The following ADA2 variants were observed in gnomAD, a reference collection of about 807,000 sequenced individuals.
The protein encoded by ADA2 is adenosine deaminase 2.
ADA2 carries 29 observed loss-of-function variants against 44.2 expected under a neutral mutation model. That is an observed-to-expected ratio of 0.66 (90% CI 0.49 to 0.89). The LOEUF (loss-of-function observed/expected upper bound fraction) is 0.89, where lower values mean the gene tolerates loss of function less well. Ranked by LOEUF, ADA2 falls within the 40% of genes least tolerant of loss-of-function variation. The pLI is 0.00. For synonymous variants in ADA2, 215 were observed against 234.9 expected (o/e 0.92, Z 0.77); for missense variants, 637 against 644.8 (o/e 0.99, Z 0.13).
chr22:17,208,423 CAAAAAAAAAA>C lies in ADA2; in HGVS notation c.322+923_322+932del, dbSNP rs1265041053. ...TGGGCGACAGAACAAGACTCCGTCT[CAAAAAAAAAA>C]AGAAAAAAAAAGAAAAAAAAAAAAC... is the stretch of plus-strand genomic sequence containing the variant. On this transcript the variant is annotated intron_variant, in intron 2 of 9. Transcript: ENST00000399837. Among the ~76,000 whole-genome samples the C allele has an allele frequency of 2.0e-4, 14 of 69,632 alleles. No individual in the cohort carries two copies. In the East Asian group the frequency reaches 5.5e-3, roughly 27 times the overall value. The allele number at this position is 69,632 out of a possible 152,430, so 45.7% of individuals were successfully genotyped here.
Position 17,207,199 on chromosome 22 carries a change from G to A in ADA2, c.414C>T (p.Phe138=), listed in dbSNP as rs770135987. Residue 138 remains phenylalanine (F), a synonymous_variant, in exon 3 of 10, where the codon TTC becomes TTT. Transcript: ENST00000399837. ...VTYRPHCHIC[F]TPRGIMQFRF... Reference sequence around the variant, plus strand: ...TGAACTGCATGATCCCCCTTGGGGTGAAACAGATGTGGCAGTGAGGCCTGT... The same window carrying A: ...TGAACTGCATGATCCCCCTTGGGGTAAAACAGATGTGGCAGTGAGGCCTGT... The A allele has an allele frequency of 1.5e-5, 24 of 1,614,046 alleles. No individual in the cohort carries two copies. Among genetic ancestry groups the A allele is most frequent in the Non-Finnish European group, 2.0e-5 (24 of 1,179,978 alleles).
rs2061945796 is a variant in ADA2 at position 17,179,553 on chromosome 22, G to A, written c.*1930C>T. 1 of 152,274 alleles carries A rather than the reference G, an allele frequency of 6.6e-6. No individual in the cohort carries two copies. Among genetic ancestry groups the A allele is most frequent in the African/African-American group, 2.4e-5 (1 of 41,450 alleles). The allele number at this position is 152,274 out of a possible 1,614,324, so 9.4% of individuals were successfully genotyped here. A position where few individuals can be genotyped will look rare whatever the true frequency, so the allele number is the denominator to read the frequency against. On this transcript the variant is annotated 3_prime_UTR_variant, in exon 10 of 10. Transcript: ENST00000399837. The stretch of plus-strand genomic sequence containing the variant: ...GAAAACCTCTCTGAGACAGTGACAT[G>A]AACTTGAAACTTGAAGGGTAAACAG...
chr22:17,211,852 C>T (rs770036496), intron 1 of ADA2, among the ~76,000 whole-genome samples: 3 of 151,720 alleles, frequency 2.0e-5, no homozygotes, highest in Non-Finnish European at 4.4e-5. Flanking sequence ...TGCTTGAATC[C>T]GGGAGGCGGA....
At chr22:17,211,047 A>C (rs955043607) in intron 1 of ADA2, among the ~76,000 whole-genome samples, 3 of 152,130 alleles carry the variant, frequency 2.0e-5, no homozygotes, top group African/African-American at 7.2e-5. Context: ...TTGTCTCTAA[A>C]AAAAATATTT....
At chr22:17,210,753 A>G (rs1396687122) in intron 1 of ADA2, among the ~76,000 whole-genome samples, 1 of 151,780 alleles carries the variant, frequency 6.6e-6, no homozygotes, top group Non-Finnish European at 1.5e-5. Context: ...ACGCGTCACC[A>G]TACCCAGCTA....
chr22:17,217,443 C>CA, intron 1 of ADA2, among the ~76,000 whole-genome samples: 1 of 152,138 alleles, frequency 6.6e-6, no homozygotes, highest in African/African-American at 2.4e-5. Flanking sequence ...AGGGTGGCAA[C>CA]GAGCAGGGAC....
chr22:17,191,836 C>T (rs999458577), intron 4 of ADA2, 26 bp from the exon 5 acceptor site: 24 of 1,602,558 alleles, frequency 1.5e-5, no homozygotes, highest in East Asian at 6.7e-5. Context: ...AACCAGGAGC[C>T]GTCAGGTGAG....
chr22:17,193,749 T>C (rs964567420), intron 4 of ADA2, among the ~76,000 whole-genome samples: 5 of 150,010 alleles, frequency 3.3e-5, no homozygotes, highest in African/African-American at 1.2e-4. Flanking sequence ...AGCAATAATA[T>C]GGAGATGTCG....
intron 1 of ADA2, among the ~76,000 whole-genome samples, chr22:17,216,799 G>T (rs34540343): frequency 0.058 from 7,797 of 133,614 alleles, 222 homozygotes; most frequent in Middle Eastern, 0.081. Context: ...CATATATATA[G>T]AGAGAGAGAC....
In ADA2 at chr22:17,188,607, T is replaced by C. The variant is rs141611354; in HGVS notation, c.973-160A>G. The C allele has an allele frequency of 0.017, 9,134 of 539,574 alleles. 159 individuals carry two copies. Among genetic ancestry groups the C allele is most frequent in the Middle Eastern group, 0.019 (37 of 1,992 alleles). The allele number at this position is 539,574 out of a possible 1,614,324, so 33.4% of individuals were successfully genotyped here. On this transcript the variant is annotated intron_variant, in intron 6 of 9. Transcript: ENST00000399837. ...AGAATGACCAGGAGCAGGCCAGGCGTGGTGGCTCACACCTGTAATCCCAGC... is the reference window on the plus strand; with the variant it reads ...AGAATGACCAGGAGCAGGCCAGGCGCGGTGGCTCACACCTGTAATCCCAGC...
chr22:17,204,879 C>T (rs2062336506), intron 3 of ADA2, among the ~76,000 whole-genome samples: 1 of 151,128 alleles, frequency 6.6e-6, no homozygotes, highest in South Asian at 2.1e-4. Context: ...GCTGCAGCCT[C>T]AATCTCCCAG....
rs1422784219 is a variant in ADA2, at chr22:17,185,436, TA to T, written c.1082-2676del. Among the ~76,000 whole-genome samples the T allele has an allele frequency of 4.6e-5, 7 of 151,002 alleles. No individual in the cohort carries two copies. In the East Asian group the frequency reaches 1.2e-3, roughly 25 times the overall value. On this transcript the variant is annotated intron_variant, in intron 7 of 9. Coordinates refer to ENST00000399837, the MANE Select transcript of ADA2 (RefSeq NM_001282225.2). ...TCTCAAAAAATAAAATAAAATAAAA[TA>T]AAATAAAATAAAAAAATAAAAATAA...
At chr22:17,183,975 T>TC (rs2062005910) in intron 7 of ADA2, among the ~76,000 whole-genome samples, 1 of 144,004 alleles carries the variant, frequency 6.9e-6, no homozygotes, top group Admixed American at 7.0e-5. Flanking sequence ...TTTTTTTTTT[T>TC]TGAGATGGAG....
At chr22:17,213,929 C>T (rs1358862185) in intron 1 of ADA2, 3 of 321,948 alleles carry the variant, frequency 9.3e-6, no homozygotes, top group Non-Finnish European at 1.2e-5. Flanking sequence ...ATTCCAGCTA[C>T]TCAGGAGGCT....
At chr22:17,207,419 G>A in intron 2 of ADA2, 129 bp from the exon 3 acceptor site, 1 of 650,596 alleles carries the variant, frequency 1.5e-6, no homozygotes, top group Non-Finnish European at 2.6e-6. Flanking sequence ...AAGGGGTGAA[G>A]TCCCATCCCA....
chr22:17,180,607 A>G lies in ADA2; in HGVS notation c.*876T>C, dbSNP rs1274430117. On this transcript the variant is annotated 3_prime_UTR_variant, in exon 10 of 10. Coordinates refer to ENST00000399837, the MANE Select transcript of ADA2 (RefSeq NM_001282225.2). The stretch of plus-strand genomic sequence containing the variant: ...TGAGTTGGAGACCAGCCTGGGCAAC[A>G]TAGCAAGACACTCTTTAGAAAAATT... 2 of 152,170 alleles carry G rather than the reference A, an allele frequency of 1.3e-5. No homozygotes were observed. Among genetic ancestry groups the G allele is most frequent in the East Asian group, 3.8e-4 (2 of 5,196 alleles). The allele number at this position is 152,170 out of a possible 1,614,324, so 9.4% of individuals were successfully genotyped here.
At chr22:17,205,942 G>C (rs566577513) in intron 3 of ADA2, among the ~76,000 whole-genome samples, 1 of 152,326 alleles carries the variant, frequency 6.6e-6, no homozygotes, top group African/African-American at 2.4e-5. Context: ...TGAGTCTGAA[G>C]TGAGCCGAGA....
rs779433872 is a variant in ADA2 at position 17,203,787 on chromosome 22, G to C, written c.543-14C>G. ...TTCCTCAGCAAGCTGTCCAAGACAC[G>C]AAGTGGGGAGTGGCAGAGGCATGAT... is the stretch of plus-strand genomic sequence containing the variant. On this transcript the variant is annotated splice_polypyrimidine_tract_variant and intron_variant, in intron 3 of 9. Coordinates refer to ENST00000399837, the MANE Select transcript of ADA2 (RefSeq NM_001282225.2). 2 of 1,594,620 alleles carry C rather than the reference G, an allele frequency of 1.3e-6. No individual in the cohort carries two copies. The highest frequency in any genetic ancestry group is 8.6e-7 in the Non-Finnish European group (1 of 1,163,638).
chr22:17,187,598 A>T (rs1377499790), intron 7 of ADA2, among the ~76,000 whole-genome samples: 2 of 151,968 alleles, frequency 1.3e-5, no homozygotes, highest in Non-Finnish European at 2.9e-5. Context: ...GCCCAGCCTA[A>T]AACGAATTTT....
Sources: gnomAD v4.1 joint callset for allele counts (sites outside exome capture counted in the v4.1 genomes callset) on GRCh38, gnomAD v4.1.1 for gene constraint, MANE v1.5 for transcripts, NCBI Gene and HGNC (gene_info 2026-07-23, HGNC 2026-07-21) for gene names.